Variants in SUGCT observed in about 807,000 individuals in gnomAD.
SUGCT encodes succinyl-CoA:glutarate-CoA transferase.
In SUGCT, 41 loss-of-function variants were observed where a neutral mutation model predicts 55.0. The observed-to-expected ratio is 0.74, with a 90% CI of 0.58 to 0.97. The LOEUF (loss-of-function observed/expected upper bound fraction) is 0.97, where lower values mean the gene tolerates loss of function less well. Ranked by LOEUF, SUGCT falls within the 50% of genes least tolerant of loss-of-function variation. The pLI is 0.00. For missense variants in SUGCT, 568 were observed against 547.8 expected (o/e 1.04, Z -0.37); for synonymous variants, 187 against 200.4 (o/e 0.93, Z 0.56).
At chr7:40,321,885 A>G (rs1035629532) in intron 9 of SUGCT, among the ~76,000 whole-genome samples, 20 of 152,214 alleles carry the variant, frequency 1.3e-4, no homozygotes, top group Non-Finnish European at 2.6e-4. Flanking sequence ...TAGTGCTGCG[A>G]TAAACATGTG....
intron 12 of SUGCT, among the ~76,000 whole-genome samples, chr7:40,529,120 C>G (rs1416040653): frequency 6.6e-6 from 1 of 152,174 alleles, no homozygotes; most frequent in African/African-American, 2.4e-5. Context: ...GGAAGAAGAT[C>G]AAGAAATTTG....
At chr7:40,443,909 A>T (rs1788660803) in intron 9 of SUGCT, among the ~76,000 whole-genome samples, 1 of 152,190 alleles carries the variant, frequency 6.6e-6, no homozygotes, top group South Asian at 2.1e-4. Context: ...ATAAGGTGTA[A>T]GGAAGGGACC....
intron 12 of SUGCT, among the ~76,000 whole-genome samples, chr7:40,710,855 GC>G (rs575208446): frequency 1.1e-3 from 162 of 152,206 alleles, no homozygotes; most frequent in African/African-American, 3.8e-3. Context: ...TTGAAAAGAT[GC>G]CATCTAAAAT....
At chr7:41,001,358 G>C in the SUGCT span, among the ~76,000 whole-genome samples, 1 of 152,124 alleles carries the variant, frequency 6.6e-6, no homozygotes, top group Non-Finnish European at 1.5e-5. Context: ...TATGGATTTG[G>C]TGGCATAAGC....
intron 13 of SUGCT, among the ~76,000 whole-genome samples, chr7:40,786,919 G>A (rs1790043319): frequency 6.6e-6 from 1 of 152,188 alleles, no homozygotes; most frequent in Non-Finnish European, 1.5e-5. Flanking sequence ...TAACCAGTAT[G>A]AATGTACCAG....
chr7:40,489,646 A>G (rs1217677936), intron 11 of SUGCT, among the ~76,000 whole-genome samples: 10 of 152,140 alleles, frequency 6.6e-5, no homozygotes, highest in Non-Finnish European at 1.5e-4. Context: ...ACACCACTGC[A>G]CTCTAGCCTG....
the SUGCT span, among the ~76,000 whole-genome samples, chr7:40,974,951 T>G: frequency 6.6e-6 from 1 of 152,200 alleles, no homozygotes; most frequent in Non-Finnish European, 1.5e-5. Context: ...AGATCTGTAT[T>G]AAAGCTCTCT....
chr7:40,694,999 T>C (rs1307660188), intron 12 of SUGCT, among the ~76,000 whole-genome samples: 1 of 152,140 alleles, frequency 6.6e-6, no homozygotes, highest in Admixed American at 6.5e-5. Context: ...CCCTTTGTTT[T>C]ATGATGTAAA....
intron 13 of SUGCT, among the ~76,000 whole-genome samples, chr7:40,776,730 C>G (rs907563860): frequency 7.2e-5 from 11 of 152,166 alleles, no homozygotes; most frequent in African/African-American, 2.7e-4. Context: ...AAGGTGTGAG[C>G]TAAAGCTGGC....
chr7:40,405,096 A>G (rs988302295), intron 9 of SUGCT, among the ~76,000 whole-genome samples: 1 of 152,192 alleles, frequency 6.6e-6, no homozygotes, highest in Non-Finnish European at 1.5e-5. Context: ...TAGCAAATCA[A>G]AGAGATGAGA....
chr7:40,701,789 C>T (rs1017160391), intron 12 of SUGCT, among the ~76,000 whole-genome samples: 1 of 152,176 alleles, frequency 6.6e-6, no homozygotes, highest in Non-Finnish European at 1.5e-5. Context: ...GAAGTAGGTA[C>T]GTGGGGGCTT....
At chr7:40,820,008 A>G (rs1028905692) in intron 13 of SUGCT, among the ~76,000 whole-genome samples, 58 of 152,270 alleles carry the variant, frequency 3.8e-4, no homozygotes, top group African/African-American at 1.3e-3. Context: ...CCATTTATTA[A>G]ATAGGGAATC....
At chr7:40,256,705 A>T (rs903023459) in intron 7 of SUGCT, among the ~76,000 whole-genome samples, 1 of 152,116 alleles carries the variant, frequency 6.6e-6, no homozygotes, top group African/African-American at 2.4e-5. Context: ...GAGTCTTGCA[A>T]ATGTAATCAC....
chr7:40,189,507 C>T (rs769289105), intron 4 of SUGCT, 37 bp from the exon 5 acceptor site: 39 of 762,360 alleles, frequency 5.1e-5, no homozygotes, highest in Middle Eastern at 5.1e-4. Context: ...TTTTGGTCAT[C>T]GAAATAATAT....
At chr7:40,363,744 A>C (rs924055689) in intron 9 of SUGCT, among the ~76,000 whole-genome samples, 7 of 152,148 alleles carry the variant, frequency 4.6e-5, no homozygotes, top group Admixed American at 1.3e-4. Flanking sequence ...TATGTGGTCA[A>C]TTTTGGAATA....
chr7:40,530,174 T>C (rs1413677525), intron 12 of SUGCT, among the ~76,000 whole-genome samples: 2 of 152,220 alleles, frequency 1.3e-5, no homozygotes, highest in African/African-American at 4.8e-5. Flanking sequence ...AATTCACTCC[T>C]AAGATTTGTT....
At chr7:40,920,737 A>T in the SUGCT span, among the ~76,000 whole-genome samples, 1 of 152,236 alleles carries the variant, frequency 6.6e-6, no homozygotes, top group South Asian at 2.1e-4. Context: ...ATGAAAGAGA[A>T]AGGATGGACT....
the SUGCT span, among the ~76,000 whole-genome samples, chr7:41,011,712 A>C: frequency 2.6e-5 from 4 of 152,228 alleles, no homozygotes; most frequent in African/African-American, 9.6e-5. Context: ...AAACAGTGTA[A>C]ATCATCCCAC....
chr7:40,744,934 G>C (rs929725643), intron 12 of SUGCT, among the ~76,000 whole-genome samples: 6 of 152,146 alleles, frequency 3.9e-5, no homozygotes, highest in African/African-American at 1.4e-4. Context: ...CTTTGGATTT[G>C]CTCCTTTGTT....
Sources: allele counts gnomAD v4.1 joint callset (sites outside exome capture counted in the v4.1 genomes callset), GRCh38; gene constraint gnomAD v4.1.1; transcripts MANE v1.5; gene names NCBI Gene and HGNC (gene_info 2026-07-23, HGNC 2026-07-21).